The following PATJ variants were observed in gnomAD, a reference collection of about 807,000 sequenced individuals.
PATJ encodes PATJ crumbs cell polarity complex component, also known as inaD-like protein.
PATJ carries 190 observed loss-of-function variants against 224.9 expected under a neutral mutation model. The ratio of observed to expected loss-of-function variants is 0.84; its 90% CI spans 0.75 to 0.95. PATJ has a LOEUF of 0.95. PATJ is among the 40% of genes least tolerant of loss of function. The pLI, the probability that PATJ is intolerant of heterozygous loss-of-function variation, is 0.00. For synonymous variants in PATJ, 769 were observed against 820.3 expected (o/e 0.94, Z 1.07); for missense variants, 2,121 against 2,270.3 (o/e 0.93, Z 1.34).
At position 61,992,494 on chromosome 1, in the gene PATJ, G is replaced by A. The variant is rs531713561; in HGVS notation, c.3867+2130G>A. 4.6e-5 allele frequency among the ~76,000 whole-genome samples: 7 copies of A among 152,216 alleles called. No individual in the cohort carries two copies. The East Asian group carries it at 5.8e-4, about 13-fold the overall frequency. On this transcript the variant is annotated intron_variant, in intron 28 of 43. Coordinates refer to ENST00000642238, the MANE Select transcript of PATJ (RefSeq NM_001350145.3). Reference sequence around the variant, plus strand: ...GATTTTTGATGCTTTAGTCTTCAGGGAATCATGTACATTAAGTCACTCTGT... The same window carrying A: ...GATTTTTGATGCTTTAGTCTTCAGGAAATCATGTACATTAAGTCACTCTGT...
At chr1:61,797,125 T>G (rs891281776) in intron 10 of PATJ, among the ~76,000 whole-genome samples, 162 bp from the exon 11 acceptor site, 1 of 152,084 alleles carries the variant, frequency 6.6e-6, no homozygotes, top group African/African-American at 2.4e-5. Flanking sequence ...CCACCCACCT[T>G]GACCTACCAA....
intron 41 of PATJ, among the ~76,000 whole-genome samples, chr1:62,139,532 C>A (rs949663648): frequency 6.6e-6 from 1 of 151,960 alleles, no homozygotes; most frequent in Non-Finnish European, 1.5e-5. Flanking sequence ...GGTGGAAGAG[C>A]TCTTCAGTGG....
chr1:61,990,196 G>T lies in PATJ; in HGVS notation c.3699G>T (p.Leu1233=), dbSNP rs767910941. 2.5e-6 allele frequency: 4 copies of T among 1,610,096 alleles called. No homozygotes were observed. Among genetic ancestry groups the T allele is most frequent in the East Asian group, 4.5e-5 (2 of 44,732 alleles). The part of the protein sequence containing the change: ...DQKIRQRYAD[L]PGELHIIELE... The stretch of plus-strand genomic sequence containing the variant: ...AAATCAGACAAAGATATGCAGATCT[G>T]CCTGGAGAACTGCACATTATTGAAC... The change falls in exon 28 of 44, where the codon CTG becomes CTT. Residue 1233 remains leucine (L), a synonymous_variant. Coordinates refer to ENST00000642238, the MANE Select transcript of PATJ (RefSeq NM_001350145.3).
intron 28 of PATJ, among the ~76,000 whole-genome samples, chr1:61,993,664 A>C (rs1365181443): frequency 6.6e-6 from 1 of 152,090 alleles, no homozygotes; most frequent in Non-Finnish European, 1.5e-5. Flanking sequence ...CAAGAGATGT[A>C]CCTAACACCT....
chr1:61,937,602 A>T (rs924042407), intron 27 of PATJ, among the ~76,000 whole-genome samples: 14 of 151,686 alleles, frequency 9.2e-5, no homozygotes, highest in African/African-American at 3.1e-4. Flanking sequence ...GAGATAAAAT[A>T]CTAGGCAGTT....
chr1:61,939,270 G>C (rs552527207), intron 27 of PATJ, among the ~76,000 whole-genome samples: 24 of 147,996 alleles, frequency 1.6e-4, no homozygotes, highest in African/African-American at 5.7e-4. Flanking sequence ...AAACAATAAC[G>C]GACAATGATC....
At chr1:61,818,592 C>T (rs960433825) in intron 14 of PATJ, among the ~76,000 whole-genome samples, 1 of 152,224 alleles carries the variant, frequency 6.6e-6, no homozygotes, top group Non-Finnish European at 1.5e-5. Context: ...CCCAGCTGTA[C>T]TCAGATTTAG....
chr1:61,968,939 A>G (rs113929696), intron 27 of PATJ, among the ~76,000 whole-genome samples: 384 of 152,320 alleles, frequency 2.5e-3, no homozygotes, highest in Non-Finnish European at 3.9e-3. Context: ...TATGAATTTG[A>G]CTACTTTAGA....
chr1:61,997,890 T>C (rs1458553373), intron 28 of PATJ, among the ~76,000 whole-genome samples: 2 of 145,424 alleles, frequency 1.4e-5, no homozygotes, highest in African/African-American at 5.1e-5. Context: ...TGATCATAGC[T>C]CACTGTAACT....
intron 33 of PATJ, among the ~76,000 whole-genome samples, chr1:62,097,520 G>A (rs781077852): frequency 6.6e-6 from 1 of 152,156 alleles, no homozygotes; most frequent in Non-Finnish European, 1.5e-5. Context: ...GAAACAGCAT[G>A]TGGAGAGACC....
intron 27 of PATJ, among the ~76,000 whole-genome samples, chr1:61,981,024 G>A (rs905797860): frequency 2.0e-5 from 3 of 152,054 alleles, no homozygotes; most frequent in Admixed American, 6.6e-5. Flanking sequence ...ATTTTGGATG[G>A]AGGGAGGCAG....
At chr1:62,140,588 G>A (rs1667399737) in intron 41 of PATJ, among the ~76,000 whole-genome samples, 1 of 152,114 alleles carries the variant, frequency 6.6e-6, no homozygotes, top group Non-Finnish European at 1.5e-5. Flanking sequence ...GGGAGGCAGA[G>A]GTTGCAGTGA....
intron 27 of PATJ, among the ~76,000 whole-genome samples, chr1:61,947,892 C>T (rs1455326404): frequency 6.6e-6 from 1 of 151,962 alleles, no homozygotes; most frequent in African/African-American, 2.4e-5. Context: ...ATAGAAGCAG[C>T]CCTCAGAAAT....
chr1:62,095,894 G>A (rs545815744), intron 33 of PATJ, among the ~76,000 whole-genome samples: 7 of 152,192 alleles, frequency 4.6e-5, no homozygotes, highest in Admixed American at 1.3e-4. Context: ...AAGACACCTC[G>A]TTTAATATAT....
chr1:62,155,711 A>G (rs1199160571), intron 43 of PATJ, among the ~76,000 whole-genome samples: 1 of 147,744 alleles, frequency 6.8e-6, no homozygotes, highest in Admixed American at 6.8e-5. Flanking sequence ...AAAAAAAAAG[A>G]CAAATTTCTA....
At chr1:61,761,096 A>T (rs1210283701) in intron 1 of PATJ, among the ~76,000 whole-genome samples, 2 of 152,020 alleles carry the variant, frequency 1.3e-5, no homozygotes, top group African/African-American at 4.8e-5. Context: ...CTCTCACCTC[A>T]GTCTCCAGTG....
At chr1:62,061,336 C>A (rs1045426080) in intron 31 of PATJ, among the ~76,000 whole-genome samples, 2 of 151,816 alleles carry the variant, frequency 1.3e-5, no homozygotes, top group Non-Finnish European at 2.9e-5. Context: ...TGCCCGCCCC[C>A]ACGCCCAGCT....
chr1:62,005,437 T>G (rs1646035449), intron 28 of PATJ, among the ~76,000 whole-genome samples: 1 of 150,434 alleles, frequency 6.6e-6, no homozygotes, highest in Non-Finnish European at 1.5e-5. Context: ...TTTTTTCGTC[T>G]GTGTGTTACA....
intron 1 of PATJ, among the ~76,000 whole-genome samples, chr1:61,758,015 A>C (rs1472137656): frequency 6.6e-6 from 1 of 152,046 alleles, no homozygotes; most frequent in Admixed American, 6.6e-5. Context: ...AAAATAATGC[A>C]CTCATTCTGA....
Sources: gnomAD v4.1 joint callset for allele counts (sites outside exome capture counted in the v4.1 genomes callset) on GRCh38, gnomAD v4.1.1 for gene constraint, MANE v1.5 for transcripts, NCBI Gene and HGNC (gene_info 2026-07-23, HGNC 2026-07-21) for gene names.